The following BANK1 variants were observed in gnomAD, a reference collection of about 807,000 sequenced individuals.
BANK1 encodes the protein B cell scaffold protein with ankyrin repeats 1.
BANK1 carries 95 observed loss-of-function variants against 94.5 expected under a neutral mutation model. That is an observed-to-expected ratio of 1.00 (90% CI 0.85 to 1.19). The LOEUF (loss-of-function observed/expected upper bound fraction) is 1.19, where lower values mean the gene tolerates loss of function less well. BANK1 is among the 50% of genes most tolerant of loss of function. The pLI, the probability that BANK1 is intolerant of heterozygous loss-of-function variation, is 0.00. For synonymous variants in BANK1, 334 were observed against 308.4 expected (o/e 1.08, Z -0.87); for missense variants, 987 against 932.2 (o/e 1.06, Z -0.77).
intron 2 of BANK1, among the ~76,000 whole-genome samples, chr4:101,850,763 G>A (rs543102514): frequency 2.0e-5 from 3 of 152,118 alleles, no homozygotes; most frequent in South Asian, 4.1e-4. Flanking sequence ...TTATCATTAT[G>A]TCTGTTGTGG....
chr4:102,001,240 A>G (rs933247408), intron 7 of BANK1, among the ~76,000 whole-genome samples: 3 of 152,220 alleles, frequency 2.0e-5, no homozygotes, highest in Admixed American at 6.5e-5. Flanking sequence ...ATCTTAGACA[A>G]CATATACTGA....
At chr4:101,891,099 T>C (rs1721851834) in intron 5 of BANK1, among the ~76,000 whole-genome samples, 1 of 152,124 alleles carries the variant, frequency 6.6e-6, no homozygotes, top group African/African-American at 2.4e-5. Flanking sequence ...GCTTATTGTG[T>C]TCTTGCTCTC....
intron 8 of BANK1, 28 bp downstream of exon 8, chr4:102,021,620 A>G: frequency 1.0e-6 from 1 of 986,854 alleles, no homozygotes; most frequent in South Asian, 2.2e-5. Context: ...ATATATATAT[A>G]TGACATATTC....
intron 7 of BANK1, among the ~76,000 whole-genome samples, chr4:101,968,140 G>A (rs768576888): frequency 1.3e-5 from 2 of 152,030 alleles, no homozygotes; most frequent in Non-Finnish European, 1.5e-5. Context: ...GCTACAGAGG[G>A]GAGAGGGCGG....
chr4:101,837,881 C>T (rs1351867189), intron 2 of BANK1, among the ~76,000 whole-genome samples: 1 of 150,470 alleles, frequency 6.6e-6, no homozygotes, highest in African/African-American at 2.4e-5. Flanking sequence ...TAGCTTTTCT[C>T]CTCTCCCTCT....
intron 6 of BANK1, among the ~76,000 whole-genome samples, chr4:101,915,180 G>A (rs576348277): frequency 1.3e-5 from 2 of 152,190 alleles, no homozygotes; most frequent in African/African-American, 4.8e-5. Flanking sequence ...TTTAATAACC[G>A]ATTGAGTAGA....
chr4:101,798,209 G>A (rs952346850), intron 1 of BANK1, among the ~76,000 whole-genome samples: 13 of 152,146 alleles, frequency 8.5e-5, no homozygotes, highest in African/African-American at 1.4e-4. Flanking sequence ...AGCTGAATGG[G>A]AATGAGTGGA....
chr4:101,807,083 G>T (rs1725578738), intron 1 of BANK1, among the ~76,000 whole-genome samples: 3 of 152,160 alleles, frequency 2.0e-5, no homozygotes, highest in Admixed American at 2.0e-4. Context: ...CATAACTGCT[G>T]TTCCAGAAAA....
At chr4:102,035,267 C>T (rs1727464386) in intron 10 of BANK1, among the ~76,000 whole-genome samples, 1 of 152,202 alleles carries the variant, frequency 6.6e-6, no homozygotes. Context: ...AGCACTCTAA[C>T]TGCTTCCGCA....
chr4:101,945,887 A>AT (rs1723910170), intron 7 of BANK1, among the ~76,000 whole-genome samples: 1 of 151,992 alleles, frequency 6.6e-6, no homozygotes, highest in Non-Finnish European at 1.5e-5. Flanking sequence ...AAGAATGTGC[A>AT]ATATGCTTTT....
intron 5 of BANK1, among the ~76,000 whole-genome samples, chr4:101,884,730 C>G (rs1036700307): frequency 3.3e-5 from 5 of 152,166 alleles, no homozygotes; most frequent in Admixed American, 6.5e-5. Flanking sequence ...ATCAATGTTA[C>G]TTACTAAATA....
At chr4:102,023,028 T>C (rs1388858354) in intron 8 of BANK1, among the ~76,000 whole-genome samples, 1 of 152,232 alleles carries the variant, frequency 6.6e-6, no homozygotes, top group Non-Finnish European at 1.5e-5. Flanking sequence ...TTTAATATGA[T>C]ATATTATTTA....
At chr4:101,927,475 A>T (rs1723202433) in intron 7 of BANK1, among the ~76,000 whole-genome samples, 1 of 151,618 alleles carries the variant, frequency 6.6e-6, no homozygotes, top group South Asian at 2.1e-4. Context: ...TTGATCACAG[A>T]CCATACAGGG....
intron 7 of BANK1, among the ~76,000 whole-genome samples, chr4:101,986,552 TAGTAAG>T (rs1371066479): frequency 6.6e-6 from 1 of 151,876 alleles, no homozygotes; most frequent in African/African-American, 2.4e-5. Flanking sequence ...TGACAAGAAA[TAGTAAG>T]AGTAAATGTA....
At chr4:102,047,326 T>C (rs1414307570) in intron 11 of BANK1, among the ~76,000 whole-genome samples, 1 of 152,192 alleles carries the variant, frequency 6.6e-6, no homozygotes, top group African/African-American at 2.4e-5. Flanking sequence ...ACTTTTATTC[T>C]CTCATGAAAC....
intron 7 of BANK1, among the ~76,000 whole-genome samples, chr4:101,991,316 C>G (rs1433112034): frequency 6.6e-6 from 1 of 152,212 alleles, no homozygotes; most frequent in East Asian, 1.9e-4. Flanking sequence ...GCTTTTAAAA[C>G]TGTAGTTGAT....
intron 7 of BANK1, among the ~76,000 whole-genome samples, chr4:101,936,493 T>C (rs1468665951): frequency 6.6e-6 from 1 of 150,460 alleles, no homozygotes; most frequent in Non-Finnish European, 1.5e-5. Context: ...TGTGTATACA[T>C]ATATGTATAA....
chr4:101,855,265 G>A, intron 3 of BANK1, 76 bp downstream of exon 3: 1 of 1,446,310 alleles, frequency 6.9e-7, no homozygotes, highest in Non-Finnish European at 9.4e-7. Context: ...TGTTTGGAGA[G>A]ACAGGGTCTC....
intron 13 of BANK1, among the ~76,000 whole-genome samples, chr4:102,065,517 T>C (rs928480307): frequency 1.3e-5 from 2 of 152,084 alleles, no homozygotes. Context: ...TAATGTCCAG[T>C]GTTCAATTAA....
Sources: gnomAD v4.1 joint callset for allele counts (sites outside exome capture counted in the v4.1 genomes callset) on GRCh38, gnomAD v4.1.1 for gene constraint, MANE v1.5 for transcripts, NCBI Gene and HGNC (gene_info 2026-07-23, HGNC 2026-07-21) for gene names.